The following UST variants were observed in gnomAD, a reference collection of about 807,000 sequenced individuals.
UST encodes the protein chondroitin sulfate 2-O-sulfotransferase.
Under a neutral mutation model 45.6 loss-of-function variants are expected in UST, and 21 were observed. The observed-to-expected ratio is 0.46, with a 90% CI of 0.33 to 0.66. UST has a LOEUF of 0.66. UST is among the 30% of genes least tolerant of loss of function. UST has a pLI of 0.02. For missense variants in UST, 463 were observed against 512.4 expected (o/e 0.90, Z 0.93); for synonymous variants, 215 against 200.6 (o/e 1.07, Z -0.61).
intron 2 of UST, among the ~76,000 whole-genome samples, chr6:148,901,203 T>C (rs1779249839): frequency 6.6e-6 from 1 of 152,236 alleles, no homozygotes; most frequent in African/African-American, 2.4e-5. Flanking sequence ...AACAGGCGCA[T>C]GGGACAGAAG....
intron 1 of UST, among the ~76,000 whole-genome samples, chr6:148,838,848 G>A (rs1210308566): frequency 6.6e-6 from 1 of 152,056 alleles, no homozygotes; most frequent in Non-Finnish European, 1.5e-5. Flanking sequence ...CTGCATGTGA[G>A]GGCATAGGCA....
At chr6:149,027,751 C>A (rs1776069605) in intron 7 of UST, 1 of 151,858 alleles carries the variant, frequency 6.6e-6, no homozygotes. Context: ...AATTTCCATC[C>A]CTCTCTCTTC....
intron 2 of UST, among the ~76,000 whole-genome samples, chr6:148,903,534 C>T (rs888553330): frequency 6.6e-6 from 1 of 152,172 alleles, no homozygotes; most frequent in Non-Finnish European, 1.5e-5. Context: ...TGTGATCTTG[C>T]ACTCAGGAAC....
chr6:149,069,565 A>G (rs1230274273), intron 7 of UST, among the ~76,000 whole-genome samples: 1 of 152,180 alleles, frequency 6.6e-6, no homozygotes, highest in African/African-American at 2.4e-5. Flanking sequence ...TCGGAAGGAT[A>G]TAATGTCACT....
intron 2 of UST, among the ~76,000 whole-genome samples, chr6:148,892,099 T>G (rs951732226): frequency 6.6e-6 from 1 of 152,224 alleles, no homozygotes; most frequent in Non-Finnish European, 1.5e-5. Context: ...TTTTTGTCCT[T>G]AGAAATATAT....
At chr6:148,839,763 A>G (rs1251889837) in intron 1 of UST, among the ~76,000 whole-genome samples, 1 of 152,174 alleles carries the variant, frequency 6.6e-6, no homozygotes, top group Non-Finnish European at 1.5e-5. Context: ...TTCCCAGATG[A>G]TGCTATGGTA....
intron 1 of UST, among the ~76,000 whole-genome samples, chr6:148,879,941 C>CTTTTTTTTTTTTTTTTTTTTT (rs767195786): frequency 9.1e-6 from 1 of 109,914 alleles, no homozygotes. Flanking sequence ...TTTCTTTTTT[C>CTTTTTTTTTTTTTTTTTTTTT]TTTTTTTTTT....
chr6:148,849,411 TA>T (rs1305024251), intron 1 of UST, among the ~76,000 whole-genome samples: 1 of 152,210 alleles, frequency 6.6e-6, no homozygotes, highest in Non-Finnish European at 1.5e-5. Flanking sequence ...GCAATATTAA[TA>T]GACATTTGGA....
intron 5 of UST, among the ~76,000 whole-genome samples, chr6:148,971,159 C>G (rs1780909536): frequency 6.6e-6 from 1 of 152,178 alleles, no homozygotes; most frequent in South Asian, 2.1e-4. Context: ...GTGCATTCTA[C>G]TATGCAGTGG....
At chr6:148,932,274 G>T (rs1215087854) in intron 2 of UST, among the ~76,000 whole-genome samples, 1 of 152,130 alleles carries the variant, frequency 6.6e-6, no homozygotes, top group Non-Finnish European at 1.5e-5. Flanking sequence ...TAGCTGTTCA[G>T]GAGGCTGAGG....
At chr6:149,019,374 C>T in intron 6 of UST, 138 bp downstream of exon 6, 1 of 665,466 alleles carries the variant, frequency 1.5e-6, no homozygotes, top group African/African-American at 1.8e-5. Flanking sequence ...TACTATTAAT[C>T]TTTCAAGATA....
At chr6:148,910,018 T>C (rs1437394067) in intron 2 of UST, among the ~76,000 whole-genome samples, 1 of 151,806 alleles carries the variant, frequency 6.6e-6, no homozygotes, top group Non-Finnish European at 1.5e-5. Context: ...TATTTAATGA[T>C]TTGGAAGTTT....
chr6:148,936,606 T>A (rs10457837), intron 2 of UST, among the ~76,000 whole-genome samples: 17,474 of 137,558 alleles, frequency 0.13, 1,457 homozygotes, highest in Non-Finnish European at 0.17. Flanking sequence ...TTTTTTGCCA[T>A]CTTTCCAGAA....
chr6:148,825,842 A>C (rs943262564), intron 1 of UST, among the ~76,000 whole-genome samples: 19 of 152,212 alleles, frequency 1.2e-4, no homozygotes, highest in Admixed American at 5.2e-4. Context: ...AAAAGAGGAA[A>C]TACAGGGAAG....
intron 2 of UST, among the ~76,000 whole-genome samples, chr6:148,916,256 G>A (rs556345735): frequency 6.6e-4 from 100 of 152,310 alleles, no homozygotes; most frequent in African/African-American, 2.2e-3. Flanking sequence ...AAGGCACAGA[G>A]AGGTTAAGTA....
chr6:148,858,961 G>A (rs184100668), intron 1 of UST, among the ~76,000 whole-genome samples: 17 of 147,776 alleles, frequency 1.2e-4, no homozygotes, highest in Admixed American at 7.5e-4. Flanking sequence ...ATAAACATAC[G>A]TGTGCATGTG....
At chr6:148,796,481 G>A (rs1446483907) in intron 1 of UST, among the ~76,000 whole-genome samples, 1 of 152,006 alleles carries the variant, frequency 6.6e-6, no homozygotes, top group Non-Finnish European at 1.5e-5. Context: ...AAAATTAGAT[G>A]GACGTGGTGG....
chr6:148,879,467 C>G (rs1778783327), intron 1 of UST, among the ~76,000 whole-genome samples: 1 of 152,190 alleles, frequency 6.6e-6, no homozygotes, highest in Non-Finnish European at 1.5e-5. Context: ...CTTGGCTAGA[C>G]AGTAGAATTA....
intron 2 of UST, among the ~76,000 whole-genome samples, chr6:148,908,561 T>C (rs1350354244): frequency 6.6e-6 from 1 of 152,254 alleles, no homozygotes; most frequent in Non-Finnish European, 1.5e-5. Context: ...ATTATTTTTC[T>C]TTGCCATTTA....
Sources: allele counts gnomAD v4.1 joint callset (sites outside exome capture counted in the v4.1 genomes callset), GRCh38; gene constraint gnomAD v4.1.1; transcripts MANE v1.5; gene names NCBI Gene and HGNC (gene_info 2026-07-23, HGNC 2026-07-21).